Variants in GALNT9 observed in about 807,000 individuals in gnomAD.
The protein encoded by GALNT9 is GalNAc transferase 9.
A neutral mutation model predicts 63.1 loss-of-function variants in GALNT9; 47 were observed. That is an observed-to-expected ratio of 0.75 (90% CI 0.59 to 0.95). The LOEUF is 0.95. GALNT9 is among the 40% of genes least tolerant of loss of function. The pLI, the probability that GALNT9 is intolerant of heterozygous loss-of-function variation, is 0.00. For missense variants in GALNT9, 829 were observed against 874.8 expected, an observed-to-expected ratio of 0.95 and a Z score of 0.66; for synonymous variants, 396 against 365.7, an observed-to-expected ratio of 1.08 and a Z score of -0.94.
intron 4 of GALNT9, among the ~76,000 whole-genome samples, chr12:132,259,367 C>A (rs1555239480): frequency 6.6e-6 from 1 of 152,232 alleles, no homozygotes; most frequent in Admixed American, 6.5e-5. Context: ...GTGCAGTGCA[C>A]AACGTGTGCG....
chr12:132,304,313 G>A (rs1555244275), intron 1 of GALNT9, among the ~76,000 whole-genome samples: 1 of 92,916 alleles, frequency 1.1e-5, no homozygotes, highest in African/African-American at 4.9e-5. Flanking sequence ...CCTCACCCGG[G>A]CACAGAATCG....
At chr12:132,262,348 A>G in intron 3 of GALNT9, 111 bp downstream of exon 3, 1 of 1,371,248 alleles carries the variant, frequency 7.3e-7, no homozygotes, top group Non-Finnish European at 9.7e-7. Flanking sequence ...CTGCGGACAG[A>G]TGGGGTGCAG....
At chr12:132,284,872 G>A (rs994449921) in intron 2 of GALNT9, among the ~76,000 whole-genome samples, 8 of 152,338 alleles carry the variant, frequency 5.3e-5, no homozygotes, top group South Asian at 2.1e-4. Context: ...AGCCCGGGGC[G>A]CTCCCTGCAC....
At chr12:132,298,990 C>T (rs1188697095) in intron 1 of GALNT9, among the ~76,000 whole-genome samples, 1 of 148,988 alleles carries the variant, frequency 6.7e-6, no homozygotes, top group Non-Finnish European at 1.5e-5. Context: ...CCCACTCGGA[C>T]CACACCTAAC....
At chr12:132,199,385 G>A (rs747223037) in intron 8 of GALNT9, 116 bp from the exon 9 acceptor site, 9 of 715,486 alleles carry the variant, frequency 1.3e-5, no homozygotes, top group Non-Finnish European at 1.9e-5. Flanking sequence ...GGAGGAGGAG[G>A]GGGCGTGTGG....
intron 1 of GALNT9, among the ~76,000 whole-genome samples, chr12:132,291,215 C>A (rs1593108435): frequency 2.4e-5 from 1 of 41,372 alleles, no homozygotes; most frequent in Non-Finnish European, 4.1e-5. Flanking sequence ...TCCACACCAC[C>A]CACATCCACA....
intron 2 of GALNT9, among the ~76,000 whole-genome samples, chr12:132,266,052 G>A (rs897425689): frequency 6.8e-6 from 1 of 147,528 alleles, no homozygotes; most frequent in Non-Finnish European, 1.5e-5. Flanking sequence ...CAACAGGCAC[G>A]CACAGCCAAC....
rs762383807 is a variant in GALNT9, at chr12:132,197,952, C to T, written c.1505G>A (p.Arg502Gln). The T allele has an allele frequency of 1.6e-5, 25 of 1,607,596 alleles. No homozygotes were observed. The highest frequency in any genetic ancestry group is 4.4e-5 in the South Asian group (4 of 90,248). The change falls in exon 10 of 11, where the codon CGG becomes CAG. Residue 502 changes from arginine to glutamine, a missense_variant. Coordinates refer to ENST00000328957, the MANE Select transcript of GALNT9 (RefSeq NM_001122636.2). ...CTGCAGCAGTCCATCAGCGCTGTAC[C>T]GCACCAGCTGGGGACAGGACCACCG... ...PCHGMSSQLV[R>Q]YSADGLLQLG...
At chr12:132,253,228 C>T (rs1168412846) in intron 5 of GALNT9, among the ~76,000 whole-genome samples, 1 of 152,102 alleles carries the variant, frequency 6.6e-6, no homozygotes, top group Non-Finnish European at 1.5e-5. Context: ...ACCATTGAAG[C>T]ACCACAGGGA....
rs562706041 is a variant in GALNT9 at position 132,246,927 on chromosome 12, G to A, written c.1077+983C>T. ...ATTGAATTTGTGTCCACGATAGTAC[G>A]ATCTTTAAAGTGAACCGCAAGCTTA... On this transcript the variant is annotated intron_variant, in intron 6 of 10. Transcript: ENST00000328957. The surrounding 1 kb of genome is among the most constrained non-coding windows in gnomAD (Gnocchi z 4.7). 5.9e-5 allele frequency among the ~76,000 whole-genome samples: 9 copies of A among 152,324 alleles called. No individual in the cohort carries two copies. Among genetic ancestry groups the A allele is most frequent in the African/African-American group, 2.2e-4 (9 of 41,568 alleles).
At chr12:132,317,897 G>A (rs1868596268) in intron 1 of GALNT9, among the ~76,000 whole-genome samples, 1 of 152,236 alleles carries the variant, frequency 6.6e-6, no homozygotes, top group Admixed American at 6.5e-5. Flanking sequence ...GCGCTCCACA[G>A]GGTCGAGGAT....
At chr12:132,203,773 A>C (rs1876408933) in intron 6 of GALNT9, 83 bp from the exon 7 acceptor site, 3 of 1,456,428 alleles carry the variant, frequency 2.1e-6, no homozygotes, top group Admixed American at 4.0e-5. Context: ...TGAGAGGCCA[A>C]GGGGCCCGGC....
At chr12:132,306,066 C>T (rs1023833638) in intron 1 of GALNT9, among the ~76,000 whole-genome samples, 3 of 152,194 alleles carry the variant, frequency 2.0e-5, no homozygotes, top group African/African-American at 7.2e-5. Flanking sequence ...AGGACAGCAG[C>T]GGCCACCTCA....
chr12:132,306,100 C>T (rs1472646021), intron 1 of GALNT9, among the ~76,000 whole-genome samples: 2 of 152,222 alleles, frequency 1.3e-5, no homozygotes, highest in African/African-American at 2.4e-5. Context: ...GGGGACCACA[C>T]GTTCTTGAGA....
At chr12:132,206,633 C>T (rs936692177) in intron 6 of GALNT9, among the ~76,000 whole-genome samples, 8 of 137,140 alleles carry the variant, frequency 5.8e-5, no homozygotes, top group East Asian at 2.1e-4. Flanking sequence ...GGCGACAGAG[C>T]GAGACTCCGT....
In GALNT9 at chr12:132,328,877, G is replaced by A. The variant is rs575615218; in HGVS notation, c.238+89C>T. The A allele has an allele frequency of 2.7e-4, 368 of 1,360,826 alleles. 1 individual carries two copies. Among genetic ancestry groups the A allele is most frequent in the South Asian group, 2.3e-3 (145 of 62,470 alleles). The allele number at this position is 1,360,826 out of a possible 1,614,324, so 84.3% of individuals were successfully genotyped here. ...CTCCCACAGGGGCGCAGAGGGGCGC[G>A]CACCCGAGGCCGGCCTGACCCATCG... On this transcript the variant is annotated intron_variant, in intron 1 of 10. Transcript: ENST00000328957.
In GALNT9 at chr12:132,196,940, G is replaced by A; in HGVS notation, c.*167C>T. 4 of 1,456,886 alleles carry A rather than the reference G, an allele frequency of 2.7e-6. No individual in the cohort carries two copies. The South Asian group carries it at 5.7e-5, about 21-fold the overall frequency. The allele number at this position is 1,456,886 out of a possible 1,614,324, so 90.2% of individuals were successfully genotyped here. ...AGAAGCTGTACTCCAGATGCAGTGG[G>A]TGACACCCTGGTCACTCAGCCACAC... On this transcript the variant is annotated 3_prime_UTR_variant, in exon 11 of 11. Coordinates refer to ENST00000328957, the MANE Select transcript of GALNT9 (RefSeq NM_001122636.2).
In GALNT9 at chr12:132,252,840, A is replaced by C. The variant is rs1228288784; in HGVS notation, c.960-4813T>G. ...GGAGGTTGTGGTGAGCCGAGATCGC[A>C]CCACTGCACTCCAGCCTGGGCAACA... On this transcript the variant is annotated intron_variant, in intron 5 of 10. Coordinates refer to ENST00000328957, the MANE Select transcript of GALNT9 (RefSeq NM_001122636.2). The surrounding 1 kb of genome is among the most constrained non-coding windows in gnomAD (Gnocchi z 5.2). 1.3e-5 allele frequency among the ~76,000 whole-genome samples: 2 copies of C among 151,708 alleles called. No individual in the cohort carries two copies. Among genetic ancestry groups the C allele is most frequent in the African/African-American group, 4.9e-5 (2 of 41,234 alleles).
rs782800785 is a variant in GALNT9, at chr12:132,246,811, G to A, written c.1077+1099C>T. Among the ~76,000 whole-genome samples, 6 of 152,218 alleles carry A rather than the reference G, an allele frequency of 3.9e-5. No homozygotes were observed. The highest frequency in any genetic ancestry group is 8.8e-5 in the Non-Finnish European group (6 of 68,042). On this transcript the variant is annotated intron_variant, in intron 6 of 10. Transcript: ENST00000328957. This position sits in a 1 kb window ranked among gnomAD's most constrained non-coding sequence, Gnocchi z 4.7. Reference sequence around the variant, plus strand: ...CTCCCACAGTGTTGGGATTACAGGCGTGAGCCTCAGTGCCCGGCCTCACAG... The same window carrying A: ...CTCCCACAGTGTTGGGATTACAGGCATGAGCCTCAGTGCCCGGCCTCACAG...
Sources: allele counts gnomAD v4.1 joint callset (sites outside exome capture counted in the v4.1 genomes callset), GRCh38; gene constraint gnomAD v4.1.1; non-coding constraint Gnocchi (gnomAD v3.1); transcripts MANE v1.5; gene names NCBI Gene and HGNC (gene_info 2026-07-23, HGNC 2026-07-21).